LNPK: variants seen among roughly 807,000 people sequenced by gnomAD.
LNPK encodes the protein endoplasmic reticulum junction formation protein lunapark.
In LNPK, 29 loss-of-function variants were observed where a neutral mutation model predicts 55.2. The ratio of observed to expected loss-of-function variants is 0.53; its 90% confidence interval spans 0.39 to 0.72. The LOEUF (loss-of-function observed/expected upper bound fraction) is 0.72, where lower values mean the gene tolerates loss of function less well. LNPK is among the 30% of genes least tolerant of loss of function. The probability of loss-of-function intolerance (pLI) is 0.00; values close to 1 mark genes in which losing one functional copy is unlikely to be tolerated. For synonymous variants in LNPK, 162 were observed against 168.2 expected (o/e 0.96, Z 0.29); for missense variants, 467 against 494.8 (o/e 0.94, Z 0.53).
At chr2:176,001,957 G>T (rs984104231) in intron 1 of LNPK, among the ~76,000 whole-genome samples, 2 of 152,246 alleles carry the variant, frequency 1.3e-5, no homozygotes, top group African/African-American at 4.8e-5. Flanking sequence ...GGAAATCCAG[G>T]GAACAAGGCG....
rs368216356 is a variant in LNPK at position 175,967,774 on chromosome 2, T to G, written c.357+2990A>C. ...TCCACAATAATAGTCACATCTTTCTTCTTTGCATTTCTTCTGTTATTGTGT... is the reference window on the plus strand; with the variant it reads ...TCCACAATAATAGTCACATCTTTCTGCTTTGCATTTCTTCTGTTATTGTGT... On this transcript the variant is annotated intron_variant, in intron 6 of 12. Coordinates refer to ENST00000272748, the MANE Select transcript of LNPK (RefSeq NM_030650.3). The G allele has an allele frequency of 8.2e-6, 8 of 971,090 alleles. No homozygotes were observed. The East Asian group carries it at 3.4e-4, about 42-fold the overall frequency. The allele number at this position is 971,090 out of a possible 1,614,324, so 60.2% of individuals were successfully genotyped here.
Position 175,979,803 on chromosome 2 carries a change from AACTT to A in LNPK, c.316+3_316+6del, listed in dbSNP as rs1473004760. On this transcript the variant is annotated splice_donor_5th_base_variant and intron_variant, in intron 5 of 12. Coordinates refer to ENST00000272748, the MANE Select transcript of LNPK (RefSeq NM_030650.3). Reference sequence around the variant, plus strand: ...AAATATTTATTAAAAATTGGAATTAAACTTACTATTTCTTTCTGTTCTCTTGGAA... The same window carrying A: ...AAATATTTATTAAAAATTGGAATTAAACTATTTCTTTCTGTTCTCTTGGAA... 6.5e-7 allele frequency: 1 copy of A among 1,550,350 alleles called. No homozygotes were observed. Among genetic ancestry groups the A allele is most frequent in the Non-Finnish European group, 8.7e-7 (1 of 1,145,582 alleles).
chr2:175,995,493 C>G (rs1317553385), intron 2 of LNPK, 65 bp downstream of exon 2: 12 of 1,314,322 alleles, frequency 9.1e-6, no homozygotes, highest in Admixed American at 2.1e-5. Flanking sequence ...GAGACTTTCA[C>G]AAATAGCTTT....
At chr2:175,979,069 T>C (rs913582500) in intron 5 of LNPK, among the ~76,000 whole-genome samples, 1 of 152,070 alleles carries the variant, frequency 6.6e-6, no homozygotes, top group Non-Finnish European at 1.5e-5. Flanking sequence ...GAAAAGTTAA[T>C]ATTTTTATAT....
At position 175,990,486 on chromosome 2, in the gene LNPK, T is replaced by C. The variant is rs1262071903; in HGVS notation, c.257+1745A>G. On this transcript the variant is annotated intron_variant, in intron 4 of 12. Transcript: ENST00000272748. ...GAGCCAAATAAACCTCATTTCTTTA[T>C]AAACTACCCAGCCTCAGGTATTCCT... Among the ~76,000 whole-genome samples the C allele has an allele frequency of 5.9e-5, 9 of 152,182 alleles. No homozygotes were observed. In the East Asian group the frequency reaches 1.7e-3, roughly 29 times the overall value.
chr2:175,980,232 A>T (rs1687106515), intron 4 of LNPK, among the ~76,000 whole-genome samples: 1 of 152,192 alleles, frequency 6.6e-6, no homozygotes, highest in South Asian at 2.1e-4. Flanking sequence ...AATTCCAAAA[A>T]CTTAATTTGT....
intron 8 of LNPK, among the ~76,000 whole-genome samples, chr2:175,955,240 T>C (rs1256581934): frequency 6.6e-6 from 1 of 152,198 alleles, no homozygotes; most frequent in Non-Finnish European, 1.5e-5. Flanking sequence ...AACAAAGTTG[T>C]GCCAGAATCC....
intron 6 of LNPK, among the ~76,000 whole-genome samples, 162 bp from the exon 7 acceptor site, chr2:175,964,751 A>T (rs1224398871): frequency 6.6e-6 from 1 of 152,274 alleles, no homozygotes; most frequent in East Asian, 1.9e-4. Context: ...ATGGCTTCTA[A>T]CCTCTAATAT....
intron 4 of LNPK, among the ~76,000 whole-genome samples, chr2:175,984,172 A>G (rs985166926): frequency 3.4e-5 from 5 of 147,078 alleles, no homozygotes; most frequent in Non-Finnish European, 7.5e-5. Flanking sequence ...ATATATATCC[A>G]ACAAAGAACT....
chr2:175,935,857 A>G (rs1385879815), intron 12 of LNPK: 1 of 250,260 alleles, frequency 4.0e-6, no homozygotes, highest in Non-Finnish European at 6.3e-6. Flanking sequence ...TGACCTTAGC[A>G]GAAGACAGAA....
At chr2:175,989,638 CTT>C (rs1293267772) in intron 4 of LNPK, among the ~76,000 whole-genome samples, 1 of 152,084 alleles carries the variant, frequency 6.6e-6, no homozygotes, top group African/African-American at 2.4e-5. Flanking sequence ...AAAATTGTAA[CTT>C]TACGTAACCC....
At chr2:175,994,181 G>C (rs1687829653) in intron 2 of LNPK, 5 of 981,612 alleles carry the variant, frequency 5.1e-6, no homozygotes, top group Non-Finnish European at 6.0e-6. Flanking sequence ...TCAGTTCATT[G>C]TAGTTTCCAT....
At position 175,926,758 on chromosome 2, in the gene LNPK, A is replaced by C. The variant is rs908658305; in HGVS notation, c.*3209T>G. On this transcript the variant is annotated 3_prime_UTR_variant, in exon 13 of 13. Coordinates refer to ENST00000272748, the MANE Select transcript of LNPK (RefSeq NM_030650.3). ...AGAATATAACTAGAAGATGTTTAGGAGACAAAAATTGACAGCTTGAATAAA... is the reference window on the plus strand; with the variant it reads ...AGAATATAACTAGAAGATGTTTAGGCGACAAAAATTGACAGCTTGAATAAA... 2.0e-5 allele frequency: 3 copies of C among 152,228 alleles called. No individual in the cohort carries two copies. Among genetic ancestry groups the C allele is most frequent in the African/African-American group, 7.2e-5 (3 of 41,464 alleles). The allele number at this position is 152,228 out of a possible 1,614,324, so 9.4% of individuals were successfully genotyped here.
At chr2:175,993,804 T>TA (rs1481986567) in intron 2 of LNPK, among the ~76,000 whole-genome samples, 5 of 151,820 alleles carry the variant, frequency 3.3e-5, no homozygotes, top group African/African-American at 4.8e-5. Flanking sequence ...AAAAAAAAAT[T>TA]AAATTAAATT....
intron 6 of LNPK, among the ~76,000 whole-genome samples, chr2:175,965,474 A>G (rs549530191): frequency 2.0e-5 from 3 of 152,338 alleles, no homozygotes; most frequent in Admixed American, 6.5e-5. Context: ...AAATTGGAAA[A>G]GAACCTTTTC....
At chr2:175,986,756 A>T (rs1687434078) in intron 4 of LNPK, among the ~76,000 whole-genome samples, 1 of 152,122 alleles carries the variant, frequency 6.6e-6, no homozygotes, top group Admixed American at 6.5e-5. Context: ...AAAAAAAACT[A>T]AATACAGTAA....
chr2:175,986,832 C>A (rs1468190763), intron 4 of LNPK, among the ~76,000 whole-genome samples: 4 of 151,474 alleles, frequency 2.6e-5, no homozygotes, highest in Non-Finnish European at 4.4e-5. Flanking sequence ...CAGAATAATG[C>A]CCAATGGTGA....
At chr2:175,990,727 T>G (rs1452857316) in intron 4 of LNPK, among the ~76,000 whole-genome samples, 1 of 152,188 alleles carries the variant, frequency 6.6e-6, no homozygotes, top group Non-Finnish European at 1.5e-5. Flanking sequence ...CTATTCTTTG[T>G]TGGATAACCG....
In LNPK at chr2:175,927,602, C is replaced by A. The variant is rs78714646; in HGVS notation, c.*2365G>T. 0.06 allele frequency: 9,165 copies of A among 152,174 alleles called. 350 individuals carry two copies. Among genetic ancestry groups the A allele is most frequent in the South Asian group, 0.097 (466 of 4,818 alleles). The allele number at this position is 152,174 out of a possible 1,614,324, so 9.4% of individuals were successfully genotyped here. A position where few individuals can be genotyped will look rare whatever the true frequency, so the allele number is the denominator to read the frequency against. On this transcript the variant is annotated 3_prime_UTR_variant, in exon 13 of 13. Transcript: ENST00000272748. ...GAAGACGGAGAGACAGAAGCTAGAC[C>A]ATGTTTGTAGATCATGCTCAGGACA...
Sources: gnomAD v4.1 joint callset for allele counts (sites outside exome capture counted in the v4.1 genomes callset) on GRCh38, gnomAD v4.1.1 for gene constraint, MANE v1.5 for transcripts, NCBI Gene and HGNC (gene_info 2026-07-23, HGNC 2026-07-21) for gene names.